Variants in GALNT17 observed in about 807,000 individuals in gnomAD.
The protein encoded by GALNT17 is UDP-GalNAc:polypeptide N-acetylgalactosaminyltransferase-like 3.
GALNT17 carries 29 observed loss-of-function variants against 63.7 expected under a neutral mutation model. The observed-to-expected ratio is 0.46, with a 90% CI of 0.34 to 0.62. GALNT17 has a LOEUF of 0.62. Among genes scored for constraint, GALNT17 ranks in the 20% least tolerant of loss-of-function variants. The pLI is 0.01. For synonymous variants in GALNT17, 305 were observed against 318.3 expected (o/e 0.96, Z 0.45); for missense variants, 603 against 799.6 (o/e 0.75, Z 2.97).
At chr7:71,455,257 A>G (rs1363535100) in intron 5 of GALNT17, among the ~76,000 whole-genome samples, 2 of 151,584 alleles carry the variant, frequency 1.3e-5, no homozygotes, top group Non-Finnish European at 2.9e-5. Flanking sequence ...CTGAAATAGT[A>G]GGTGGAGCCT....
At chr7:71,370,680 C>G (rs1031913632) in intron 2 of GALNT17, among the ~76,000 whole-genome samples, 3 of 152,042 alleles carry the variant, frequency 2.0e-5, no homozygotes, top group East Asian at 1.9e-4. Flanking sequence ...GTTGGCCAGG[C>G]TGGTCTTGAA....
At chr7:71,568,170 A>C (rs1789381060) in intron 5 of GALNT17, among the ~76,000 whole-genome samples, 1 of 152,154 alleles carries the variant, frequency 6.6e-6, no homozygotes, top group African/African-American at 2.4e-5. Flanking sequence ...TCCTCCATGA[A>C]GCCTTTTCTA....
intron 4 of GALNT17, among the ~76,000 whole-genome samples, chr7:71,416,282 A>G (rs1239188691): frequency 6.6e-6 from 1 of 152,194 alleles, no homozygotes; most frequent in Non-Finnish European, 1.5e-5. Context: ...CATTGGCATC[A>G]TCGTCATCAT....
In GALNT17 at chr7:71,132,868, G is replaced by A; in HGVS notation, c.66G>A (p.Val22=). 1.9e-6 allele frequency: 3 copies of A among 1,613,094 alleles called. No individual in the cohort carries two copies. The highest frequency in any genetic ancestry group is 3.3e-5 in the Admixed American group (2 of 59,974). Residue 22 remains valine (V), a synonymous_variant, in exon 1 of 11, where the codon GTG becomes GTA. Transcript: ENST00000333538. ...VLNLIAVAGF[V]LFLAKCRPIA... ...ACTTGATCGCGGTAGCCGGCTTCGT[G>A]CTCTTCCTGGCCAAGTGCCGGCCCA... is the stretch of plus-strand genomic sequence containing the variant.
chr7:71,404,110 C>T (rs1583922918), intron 3 of GALNT17, among the ~76,000 whole-genome samples: 1 of 152,138 alleles, frequency 6.6e-6, no homozygotes, highest in South Asian at 2.1e-4. Context: ...TAGCCTATAG[C>T]TTATGCGTAC....
At chr7:71,520,881 A>G (rs938080207) in intron 5 of GALNT17, among the ~76,000 whole-genome samples, 1 of 152,110 alleles carries the variant, frequency 6.6e-6, no homozygotes, top group African/African-American at 2.4e-5. Flanking sequence ...AGGAGTAACC[A>G]GGGGCTAAAC....
chr7:71,689,592 G>A (rs1406939368), intron 9 of GALNT17, among the ~76,000 whole-genome samples: 1 of 152,242 alleles, frequency 6.6e-6, no homozygotes, highest in Non-Finnish European at 1.5e-5. Flanking sequence ...AGGTTGGCTT[G>A]AGGTTTAAGG....
At chr7:71,182,183 T>A (rs4719091) in intron 1 of GALNT17, among the ~76,000 whole-genome samples, 38,998 of 151,352 alleles carry the variant, frequency 0.26, 9,204 homozygotes, top group African/African-American at 0.64. Context: ...CTAAAAAAAA[T>A]AAATAAATAA....
At chr7:71,292,742 A>G (rs2115828931) in intron 1 of GALNT17, among the ~76,000 whole-genome samples, 1 of 150,166 alleles carries the variant, frequency 6.7e-6, no homozygotes, top group South Asian at 2.1e-4. Context: ...TCCTCTTATT[A>G]AATTACAGTA....
At chr7:71,398,351 TC>T (rs1378786929) in intron 3 of GALNT17, among the ~76,000 whole-genome samples, 1 of 152,136 alleles carries the variant, frequency 6.6e-6, no homozygotes, top group Admixed American at 6.5e-5. Context: ...TATTCTCGCT[TC>T]AGTTTTTTTA....
At chr7:71,207,799 C>A (rs1789301151) in intron 1 of GALNT17, among the ~76,000 whole-genome samples, 1 of 152,128 alleles carries the variant, frequency 6.6e-6, no homozygotes, top group Non-Finnish European at 1.5e-5. Context: ...ACACGAGCAT[C>A]TGTCTGAAAT....
At chr7:71,290,629 T>G (rs1191405711) in intron 1 of GALNT17, among the ~76,000 whole-genome samples, 1 of 152,146 alleles carries the variant, frequency 6.6e-6, no homozygotes, top group Non-Finnish European at 1.5e-5. Context: ...GGCTGGTCTA[T>G]TAAAAGCTCC....
intron 1 of GALNT17, among the ~76,000 whole-genome samples, chr7:71,263,873 G>A (rs1047995760): frequency 4.0e-5 from 6 of 151,642 alleles, no homozygotes; most frequent in African/African-American, 7.3e-5. Flanking sequence ...GCAGTGAGCC[G>A]AGATCACACC....
chr7:71,377,954 T>G (rs1422009882), intron 2 of GALNT17, among the ~76,000 whole-genome samples: 1 of 152,160 alleles, frequency 6.6e-6, no homozygotes, highest in Non-Finnish European at 1.5e-5. Flanking sequence ...CCTCTTTCCT[T>G]TATAAATTAC....
chr7:71,377,814 T>C (rs1792773077), intron 2 of GALNT17, among the ~76,000 whole-genome samples: 1 of 152,126 alleles, frequency 6.6e-6, no homozygotes, highest in Non-Finnish European at 1.5e-5. Flanking sequence ...TTTATAAGTG[T>C]TTGGAAGTCC....
chr7:71,429,464 A>C (rs977998007), intron 5 of GALNT17, among the ~76,000 whole-genome samples: 2 of 152,246 alleles, frequency 1.3e-5, no homozygotes, highest in Admixed American at 1.3e-4. Context: ...AAAGTTCACC[A>C]AGAACAGAAA....
chr7:71,554,605 A>T (rs185639309), intron 5 of GALNT17, among the ~76,000 whole-genome samples: 4 of 152,298 alleles, frequency 2.6e-5, no homozygotes, highest in East Asian at 3.9e-4. Context: ...CTCTGCCTAA[A>T]CATCACTCCA....
At chr7:71,424,402 A>T (rs1786721145) in intron 5 of GALNT17, among the ~76,000 whole-genome samples, 1 of 152,254 alleles carries the variant, frequency 6.6e-6, no homozygotes, top group Admixed American at 6.5e-5. Flanking sequence ...AGAGAAAAAG[A>T]AGTGCTTGCA....
At chr7:71,363,100 G>A (rs1792436914) in intron 2 of GALNT17, among the ~76,000 whole-genome samples, 1 of 151,984 alleles carries the variant, frequency 6.6e-6, no homozygotes, top group African/African-American at 2.4e-5. Flanking sequence ...CTGAGTAGCT[G>A]GGATTGCAGG....
Sources: allele counts gnomAD v4.1 joint callset (sites outside exome capture counted in the v4.1 genomes callset), GRCh38; gene constraint gnomAD v4.1.1; transcripts MANE v1.5; gene names NCBI Gene and HGNC (gene_info 2026-07-23, HGNC 2026-07-21).